KALRN: variants seen among roughly 807,000 people sequenced by gnomAD.
The protein encoded by KALRN is kalirin.
KALRN carries 70 observed loss-of-function variants against 353.7 expected under a neutral mutation model. That is an observed-to-expected ratio of 0.20 (90% confidence interval 0.16 to 0.24). The LOEUF is 0.24. Ranked by LOEUF, KALRN falls within the 10% of genes least tolerant of loss-of-function variation. KALRN has a pLI of 1.00. For synonymous variants in KALRN, 1,391 were observed against 1,434.8 expected, an observed-to-expected ratio of 0.97 and a Z score of 0.69; for missense variants, 2,791 against 3,756.7, an observed-to-expected ratio of 0.74 and a Z score of 6.72.
In KALRN at chr3:124,471,966, C is replaced by CAAA. The variant is rs34537933; in HGVS notation, c.4032-2681_4032-2679dup. Among the ~76,000 whole-genome samples the CAAA allele has an allele frequency of 1.8e-4, 20 of 110,776 alleles. 4 individuals are homozygous for CAAA. The highest frequency in any genetic ancestry group is 4.6e-4 in the East Asian group (2 of 4,348). 72.7% of individuals were successfully genotyped at this position (110,776 alleles called of 152,430 possible). On this transcript the variant is annotated intron_variant, in intron 25 of 59. Transcript: ENST00000682506. Reference sequence around the variant, plus strand: ...TGAGTGACAGAGTGAGACTCCGTCTCAAAAAAAAAAAAAAAAAACAACCTT... The same window carrying CAAA: ...TGAGTGACAGAGTGAGACTCCGTCTCAAAAAAAAAAAAAAAAAAAAACAACCTT...
intron 33 of KALRN, among the ~76,000 whole-genome samples, chr3:124,535,496 T>A (rs2068433283): frequency 6.6e-6 from 1 of 152,358 alleles, no homozygotes; most frequent in Non-Finnish European, 1.5e-5. Context: ...GGGTTTCAGA[T>A]CAGGAGTGTC....
chr3:124,050,518 G>A (rs566529209), intron 1 of KALRN, among the ~76,000 whole-genome samples: 6 of 152,286 alleles, frequency 3.9e-5, no homozygotes, highest in Admixed American at 6.5e-5. Context: ...CTCAGGAGTA[G>A]CCTTAGGGTT....
chr3:124,508,070 C>A (rs1182775331), intron 33 of KALRN, among the ~76,000 whole-genome samples: 2 of 152,108 alleles, frequency 1.3e-5, no homozygotes, highest in African/African-American at 4.8e-5. Flanking sequence ...ATGTTACTTA[C>A]CATCTTATTT....
Position 124,291,317 on chromosome 3 carries a change from A to G in KALRN, c.970-7474A>G, listed in dbSNP as rs148539892. On this transcript the variant is annotated intron_variant, in intron 5 of 59. Transcript: ENST00000682506. ...GGGATGTCCAAGCTATGGTGTACCC[A>G]TCAGGTATTTGCAGTTCACTTACAG... is the stretch of plus-strand genomic sequence containing the variant. Among the ~76,000 whole-genome samples, 1,452 of 152,368 alleles carry G rather than the reference A, an allele frequency of 9.5e-3. 18 individuals are homozygous for G. Among genetic ancestry groups the G allele is most frequent in the Non-Finnish European group, 0.012 (789 of 68,024 alleles).
intron 6 of KALRN, among the ~76,000 whole-genome samples, chr3:124,309,554 C>G (rs2078042275): frequency 6.6e-6 from 1 of 151,976 alleles, no homozygotes; most frequent in Non-Finnish European, 1.5e-5. Context: ...GAGCAAGACC[C>G]CATCTTTAAA....
At chr3:124,059,251 AT>A (rs2041816329) in intron 1 of KALRN, among the ~76,000 whole-genome samples, 1 of 152,250 alleles carries the variant, frequency 6.6e-6, no homozygotes, top group Non-Finnish European at 1.5e-5. Context: ...TTTGAAAAAA[AT>A]GATGCATATA....
intron 18 of KALRN, among the ~76,000 whole-genome samples, 167 bp downstream of exon 18, chr3:124,439,204 A>T (rs879420895): frequency 0.24 from 19,917 of 82,218 alleles, 1,529 homozygotes; most frequent in Non-Finnish European, 0.32. Context: ...TCTCTCTCAC[A>T]CACACACACA....
intron 6 of KALRN, among the ~76,000 whole-genome samples, chr3:124,313,158 C>G (rs186951082): frequency 2.6e-5 from 4 of 152,328 alleles, no homozygotes; most frequent in Admixed American, 2.0e-4. Context: ...CCAGGCGATA[C>G]ACACTAACAT....
intron 27 of KALRN, among the ~76,000 whole-genome samples, chr3:124,480,735 C>A (rs1002015686): frequency 6.6e-6 from 1 of 152,142 alleles, no homozygotes; most frequent in Non-Finnish European, 1.5e-5. Flanking sequence ...CACAAGCAAC[C>A]AATGATCTAC....
intron 1 of KALRN, among the ~76,000 whole-genome samples, chr3:124,169,651 G>C (rs942386508): frequency 6.6e-6 from 1 of 152,104 alleles, no homozygotes; most frequent in East Asian, 1.9e-4. Context: ...GGCATTGATT[G>C]GTCTCTGATG....
At chr3:124,287,682 C>T (rs763469295) in intron 5 of KALRN, among the ~76,000 whole-genome samples, 12 of 149,554 alleles carry the variant, frequency 8.0e-5, no homozygotes, top group South Asian at 4.2e-4. Context: ...TAAGTCTCCA[C>T]GTGAACATTT....
chr3:124,539,922 T>TGGGGG (rs35035103), intron 33 of KALRN, among the ~76,000 whole-genome samples: 8 of 132,002 alleles, frequency 6.1e-5, no homozygotes, highest in African/African-American at 2.5e-4. Flanking sequence ...TAATTTTTTT[T>TGGGGG]GGGGGGGGGG....
At chr3:124,598,613 C>T (rs1008087248) in intron 34 of KALRN, among the ~76,000 whole-genome samples, 11 of 152,100 alleles carry the variant, frequency 7.2e-5, no homozygotes, top group Middle Eastern at 3.4e-3. Context: ...TCATTACCCC[C>T]TCTGTCTCAT....
intron 1 of KALRN, among the ~76,000 whole-genome samples, chr3:124,125,455 T>A (rs2064538935): frequency 6.6e-6 from 1 of 152,122 alleles, no homozygotes; most frequent in Non-Finnish European, 1.5e-5. Context: ...AGGTCAGAGA[T>A]GGTGTAGTGA....
At chr3:124,089,703 G>A (rs905762334) in intron 1 of KALRN, among the ~76,000 whole-genome samples, 11 of 151,960 alleles carry the variant, frequency 7.2e-5, no homozygotes, top group African/African-American at 2.7e-4. Context: ...CAGCCAACCA[G>A]GTGTTCATGC....
At chr3:124,107,689 A>G (rs1487289991) in intron 1 of KALRN, among the ~76,000 whole-genome samples, 1 of 152,182 alleles carries the variant, frequency 6.6e-6, no homozygotes, top group Non-Finnish European at 1.5e-5. Flanking sequence ...AGGAGGCTGG[A>G]CTGCGCTGGC....
intron 15 of KALRN, among the ~76,000 whole-genome samples, chr3:124,425,955 G>C (rs1405651419): frequency 6.6e-6 from 1 of 152,142 alleles, no homozygotes; most frequent in East Asian, 1.9e-4. Context: ...GGGGTGGGAA[G>C]ATTCCTTATT....
At chr3:124,345,227 A>G (rs1193763060) in intron 9 of KALRN, among the ~76,000 whole-genome samples, 1 of 152,242 alleles carries the variant, frequency 6.6e-6, no homozygotes, top group Non-Finnish European at 1.5e-5. Flanking sequence ...TGTTTTCAAA[A>G]GGGATTGATG....
At chr3:124,328,732 G>T (rs951646087) in intron 7 of KALRN, among the ~76,000 whole-genome samples, 4 of 152,220 alleles carry the variant, frequency 2.6e-5, no homozygotes, top group African/African-American at 4.8e-5. Flanking sequence ...AACGCAAACG[G>T]TTGCTGTACC....
Sources: allele counts gnomAD v4.1 joint callset (sites outside exome capture counted in the v4.1 genomes callset), GRCh38; gene constraint gnomAD v4.1.1; transcripts MANE v1.5; gene names NCBI Gene and HGNC (gene_info 2026-07-23, HGNC 2026-07-21).